Variants in ARL6 observed in about 807,000 individuals in gnomAD.
ARL6 encodes ARF like GTPase 6, also known as ADP-ribosylation factor-like protein 6.
Under a neutral mutation model 27.1 loss-of-function variants are expected in ARL6, and 18 were observed. The observed-to-expected ratio is 0.66, with a 90% CI of 0.46 to 0.98. The LOEUF (loss-of-function observed/expected upper bound fraction) is 0.98, where lower values mean the gene tolerates loss of function less well. Among genes scored for constraint, ARL6 ranks in the 50% least tolerant of loss-of-function variants. The pLI, the probability that ARL6 is intolerant of heterozygous loss-of-function variation, is 0.00. For synonymous variants in ARL6, 65 were observed against 72.3 expected (o/e 0.90, Z 0.51); for missense variants, 187 against 214.9 (o/e 0.87, Z 0.81).
At chr3:97,792,638 T>C (rs1051583986) in intron 7 of ARL6, among the ~76,000 whole-genome samples, 2 of 152,230 alleles carry the variant, frequency 1.3e-5, no homozygotes, top group African/African-American at 4.8e-5. Flanking sequence ...TTCATCAAAA[T>C]AGTTATCATA....
chr3:97,775,594 C>G (rs994123634), intron 2 of ARL6, among the ~76,000 whole-genome samples: 2 of 152,148 alleles, frequency 1.3e-5, no homozygotes, highest in Non-Finnish European at 2.9e-5. Flanking sequence ...CACAGACACA[C>G]CCAGGATCAA....
chr3:97,793,000 T>C (rs1303398016), intron 7 of ARL6, among the ~76,000 whole-genome samples: 3 of 152,174 alleles, frequency 2.0e-5, no homozygotes, highest in Non-Finnish European at 4.4e-5. Flanking sequence ...TTGCAAACAA[T>C]AGCAGGGATA....
At chr3:97,780,803 T>G (rs1019354080) in intron 4 of ARL6, 120 bp downstream of exon 4, 35 of 770,490 alleles carry the variant, frequency 4.5e-5, no homozygotes, top group Non-Finnish European at 7.3e-5. Flanking sequence ...TTTATGAACA[T>G]TTCCTATTTT....
In ARL6 at chr3:97,780,229, C is replaced by T. The variant is rs768962345; in HGVS notation, c.185+9C>T. On this transcript the variant is annotated intron_variant, in intron 3 of 7. Transcript: ENST00000463745. Reference sequence around the variant, plus strand: ...AAATTCAAATCATCCAGGTAATCCACTTTATCCCTTAACAAAAAAGTTGCT... The same window carrying T: ...AAATTCAAATCATCCAGGTAATCCATTTTATCCCTTAACAAAAAAGTTGCT... The T allele has an allele frequency of 5.0e-6, 8 of 1,604,256 alleles. No homozygotes were observed. The highest frequency in any genetic ancestry group is 1.3e-5 in the African/African-American group (1 of 74,614).
rs952886009 is a variant in ARL6, at chr3:97,800,365, C to T, written c.*2316C>T. ...TACAATTAAAATGTATTTTATTAAA[C>T]CTGAAGCAAGTTTTCTTTCATGTCT... On this transcript the variant is annotated 3_prime_UTR_variant, in exon 8 of 8. Transcript: ENST00000463745. 1 of 152,030 alleles carries T rather than the reference C, an allele frequency of 6.6e-6. No individual in the cohort carries two copies. The highest frequency in any genetic ancestry group is 1.5e-5 in the Non-Finnish European group (1 of 67,998). 9.4% of individuals were successfully genotyped at this position (152,030 alleles called of 1,614,324 possible).
intron 7 of ARL6, among the ~76,000 whole-genome samples, chr3:97,795,110 T>A (rs2037938278): frequency 6.6e-6 from 1 of 152,132 alleles, no homozygotes; most frequent in Non-Finnish European, 1.5e-5. Context: ...GGTTAGAAGC[T>A]TTTTGGTGAA....
chr3:97,777,965 C>T (rs542747099), intron 2 of ARL6, among the ~76,000 whole-genome samples: 3 of 152,244 alleles, frequency 2.0e-5, no homozygotes, highest in East Asian at 3.9e-4. Flanking sequence ...GTTAGGTGAT[C>T]GTGGGGACGC....
intron 1 of ARL6, among the ~76,000 whole-genome samples, chr3:97,767,634 A>G (rs1311461606): frequency 6.6e-6 from 1 of 152,094 alleles, no homozygotes; most frequent in Non-Finnish European, 1.5e-5. Context: ...TATCACCAAA[A>G]TCTCAAAATC....
At chr3:97,790,588 TG>T (rs1282206055) in intron 6 of ARL6, among the ~76,000 whole-genome samples, 1 of 152,182 alleles carries the variant, frequency 6.6e-6, no homozygotes, top group African/African-American at 2.4e-5. Flanking sequence ...ATTAATTGTT[TG>T]GAACTATAGG....
chr3:97,788,705 T>G (rs1209738406), intron 6 of ARL6, among the ~76,000 whole-genome samples: 1 of 152,202 alleles, frequency 6.6e-6, no homozygotes, highest in African/African-American at 2.4e-5. Context: ...TTAAGTTTAC[T>G]TAGACATCCT....
chr3:97,785,090 T>C, intron 5 of ARL6, 41 bp downstream of exon 5: 1 of 1,486,998 alleles, frequency 6.7e-7, no homozygotes. Context: ...TCTTTGGGGT[T>C]CATTTATGTG....
At chr3:97,793,199 C>T (rs1345598370) in intron 7 of ARL6, among the ~76,000 whole-genome samples, 2 of 152,048 alleles carry the variant, frequency 1.3e-5, no homozygotes, top group African/African-American at 4.8e-5. Flanking sequence ...ATCATAACAC[C>T]ATTAAACTGC....
intron 4 of ARL6, among the ~76,000 whole-genome samples, chr3:97,784,062 T>C (rs1357608716): frequency 2.0e-5 from 3 of 151,892 alleles, no homozygotes; most frequent in African/African-American, 4.8e-5. Flanking sequence ...GCATCAGAAC[T>C]TTTTTAAAAG....
In ARL6 at chr3:97,767,467, T is replaced by C. The variant is rs189052096; in HGVS notation, c.-27-614T>C. On this transcript the variant is annotated intron_variant, in intron 1 of 7. Coordinates refer to ENST00000463745, the MANE Select transcript of ARL6 (RefSeq NM_001278293.3). ...TAGGATAAGGGGAAATAAGGATAAG[T>C]ATTTCAGGATTCTTTGCTTCTACTG... Among the ~76,000 whole-genome samples, 980 of 152,248 alleles carry C rather than the reference T, an allele frequency of 6.4e-3. 8 individuals carry two copies. The highest frequency in any genetic ancestry group is 0.017 in the Middle Eastern group (5 of 294).
At chr3:97,779,845 G>A (rs1480949355) in intron 2 of ARL6, among the ~76,000 whole-genome samples, 2 of 150,012 alleles carry the variant, frequency 1.3e-5, no homozygotes, top group Non-Finnish European at 1.5e-5. Context: ...CAGCCTGGGT[G>A]ACAGAGTGAG....
chr3:97,780,830 G>A (rs968745892), intron 4 of ARL6, 147 bp downstream of exon 4: 2 of 678,132 alleles, frequency 2.9e-6, no homozygotes, highest in Non-Finnish European at 5.2e-6. Flanking sequence ...TATGTAATGA[G>A]ACTCAACATT....
At chr3:97,784,355 G>T (rs771487443) in intron 4 of ARL6, among the ~76,000 whole-genome samples, 11 of 151,526 alleles carry the variant, frequency 7.3e-5, no homozygotes, top group Non-Finnish European at 1.5e-4. Context: ...TATTTTTTCA[G>T]AAGACTTTCA....
At chr3:97,777,829 C>CT (rs1382198373) in intron 2 of ARL6, among the ~76,000 whole-genome samples, 5 of 152,080 alleles carry the variant, frequency 3.3e-5, no homozygotes, top group South Asian at 2.1e-4. Context: ...TGTGAAGTTT[C>CT]TTTTTTTTCC....
At chr3:97,776,816 C>T (rs2036930324) in intron 2 of ARL6, among the ~76,000 whole-genome samples, 1 of 152,094 alleles carries the variant, frequency 6.6e-6, no homozygotes, top group Admixed American at 6.5e-5. Context: ...GCCACCACAC[C>T]CCACTACTTT....
Sources: allele counts gnomAD v4.1 joint callset (sites outside exome capture counted in the v4.1 genomes callset), GRCh38; gene constraint gnomAD v4.1.1; transcripts MANE v1.5; gene names NCBI Gene and HGNC (gene_info 2026-07-23, HGNC 2026-07-21).